The following CMIP variants were observed in gnomAD, a reference collection of about 807,000 sequenced individuals.
The protein encoded by CMIP is c-Maf inducing protein, also known as C-Maf-inducing protein.
In CMIP, 13 loss-of-function variants were observed where a neutral mutation model predicts 97.3. The ratio of observed to expected loss-of-function variants is 0.13; its 90% CI spans 0.09 to 0.21. The LOEUF (loss-of-function observed/expected upper bound fraction) is 0.21, where lower values mean the gene tolerates loss of function less well. Among genes scored for constraint, CMIP ranks in the 10% least tolerant of loss-of-function variants. The probability of loss-of-function intolerance (pLI) is 1.00; values close to 1 mark genes in which losing one functional copy is unlikely to be tolerated. For missense variants in CMIP, 847 were observed against 1,024.9 expected, an observed-to-expected ratio of 0.83 and a Z score of 2.37; for synonymous variants, 538 against 436.3, an observed-to-expected ratio of 1.23 and a Z score of -2.91.
At chr16:81,631,149 G>A (rs2092152860) in intron 3 of CMIP, 2 of 152,288 alleles carry the variant, frequency 1.3e-5, no homozygotes, top group Admixed American at 1.3e-4. Context: ...GCAGGCTTTC[G>A]TTACAGTAGA....
chr16:81,555,457 C>T (rs1342547714), intron 1 of CMIP, among the ~76,000 whole-genome samples: 1 of 152,190 alleles, frequency 6.6e-6, no homozygotes, highest in East Asian at 1.9e-4. Flanking sequence ...TGAAAGCACA[C>T]CTGCCCAGGT....
intron 2 of CMIP, chr16:81,620,058 A>T (rs1409679434): frequency 6.6e-6 from 1 of 152,188 alleles, no homozygotes; most frequent in African/African-American, 2.4e-5. Context: ...ATTTCTGACC[A>T]CCTGCCATGT....
chr16:81,537,680 A>G (rs1254174709), intron 1 of CMIP, among the ~76,000 whole-genome samples: 1 of 151,968 alleles, frequency 6.6e-6, no homozygotes, highest in African/African-American at 2.4e-5. Flanking sequence ...AGCCTGGTCC[A>G]TATAGTGAGA....
intron 1 of CMIP, among the ~76,000 whole-genome samples, chr16:81,498,561 G>A (rs781712926): frequency 6.6e-6 from 1 of 152,212 alleles, no homozygotes; most frequent in Non-Finnish European, 1.5e-5. Context: ...CCTTCCACCT[G>A]ACTCATGGCT....
chr16:81,564,418 A>C lies in CMIP; in HGVS notation c.301-43149A>C, dbSNP rs184954876. On this transcript the variant is annotated intron_variant, in intron 1 of 20. Transcript: ENST00000537098. ...GTTATACATGTAATGGTCTCAGAGC[A>C]GAAATAAAACCACAAAGCTATTACA... Among the ~76,000 whole-genome samples, 457 of 152,372 alleles carry C rather than the reference A, an allele frequency of 3.0e-3. 2 individuals are homozygous for C. Among genetic ancestry groups the C allele is most frequent in the African/African-American group, 0.011 (446 of 41,588 alleles).
intron 3 of CMIP, among the ~76,000 whole-genome samples, chr16:81,638,381 C>G (rs1046663966): frequency 9.9e-5 from 15 of 152,172 alleles, no homozygotes; most frequent in African/African-American, 2.9e-4. Flanking sequence ...AGCCCTCCCC[C>G]CAGAGCATCT....
chr16:81,479,461 A>G (rs1341614702), intron 1 of CMIP, among the ~76,000 whole-genome samples: 2 of 152,064 alleles, frequency 1.3e-5, no homozygotes, highest in Non-Finnish European at 2.9e-5. Flanking sequence ...GAACTTTCTC[A>G]TCTTCTCAAA....
At chr16:81,551,006 ACACG>A (rs1015230247) in intron 1 of CMIP, among the ~76,000 whole-genome samples, 3 of 131,976 alleles carry the variant, frequency 2.3e-5, no homozygotes, top group African/African-American at 9.1e-5. Context: ...CAGTCCCGTC[ACACG>A]CACCCCAGTT....
Position 81,549,946 on chromosome 16 carries a change from A to G in CMIP, c.301-57621A>G, listed in dbSNP as rs2090621031. Reference sequence around the variant, plus strand: ...TGCTTGTGCATTTGTGTGTGTGTGTATGTGCACACAAGCCTGTGCCGTCCA... The same window carrying G: ...TGCTTGTGCATTTGTGTGTGTGTGTGTGTGCACACAAGCCTGTGCCGTCCA... On this transcript the variant is annotated intron_variant, in intron 1 of 20. Coordinates refer to ENST00000537098, the MANE Select transcript of CMIP (RefSeq NM_198390.3). 3.3e-5 allele frequency among the ~76,000 whole-genome samples: 5 copies of G among 152,270 alleles called. No homozygotes were observed. In the South Asian group the frequency reaches 1.0e-3, roughly 32 times the overall value.
At chr16:81,473,794 AC>A (rs1907708804) in intron 1 of CMIP, among the ~76,000 whole-genome samples, 1 of 141,718 alleles carries the variant, frequency 7.1e-6, no homozygotes, top group South Asian at 2.2e-4. Context: ...GACGTGTTTT[AC>A]TTGGCCCACA....
chr16:81,501,424 G>A (rs1567546869), intron 1 of CMIP, among the ~76,000 whole-genome samples: 1 of 152,058 alleles, frequency 6.6e-6, no homozygotes, highest in East Asian at 1.9e-4. Context: ...GCATTGTATC[G>A]GGCTCCTTGC....
rs958735989 is a variant in CMIP at position 81,453,550 on chromosome 16, G to A, written c.300+8009G>A. ...CAGGCCTGGCTCTCCTCCCTCGCAT[G>A]TTGGCTCCCTGTGTGGACTAGGTGA... On this transcript the variant is annotated intron_variant, in intron 1 of 20. Coordinates refer to ENST00000537098, the MANE Select transcript of CMIP (RefSeq NM_198390.3). This position sits in a 1 kb window ranked among gnomAD's most constrained non-coding sequence, Gnocchi z 4.0. Among the ~76,000 whole-genome samples the A allele has an allele frequency of 9.2e-5, 14 of 152,222 alleles. No individual in the cohort carries two copies. The highest frequency in any genetic ancestry group is 5.9e-5 in the Non-Finnish European group (4 of 68,036).
At chr16:81,524,693 C>T (rs1457172335) in intron 1 of CMIP, among the ~76,000 whole-genome samples, 1 of 152,242 alleles carries the variant, frequency 6.6e-6, no homozygotes, top group Admixed American at 6.5e-5. Context: ...CTGCTCAGAG[C>T]CACCCAGCGA....
rs368506286 is a variant in CMIP at position 81,644,673 on chromosome 16, C to T, written c.478-7530C>T. 6.6e-5 allele frequency among the ~76,000 whole-genome samples: 10 copies of T among 152,386 alleles called. No homozygotes were observed. In the East Asian group the frequency reaches 1.9e-3, roughly 29 times the overall value. On this transcript the variant is annotated intron_variant, in intron 3 of 20. Transcript: ENST00000537098. ...GCTGGAGATAGCAAATTATTTCCTACACACTTAGCATCTGCAGCCATAGTG... is the reference window on the plus strand; with the variant it reads ...GCTGGAGATAGCAAATTATTTCCTATACACTTAGCATCTGCAGCCATAGTG...
In CMIP at chr16:81,589,430, C is replaced by T. The variant is rs146984457; in HGVS notation, c.301-18137C>T. On this transcript the variant is annotated intron_variant, in intron 1 of 20. Coordinates refer to ENST00000537098, the MANE Select transcript of CMIP (RefSeq NM_198390.3). ...CTTTTCAACAAATTTATATTCATGA[C>T]AATAGTAACTACCTATATTAGAAGC... Among the ~76,000 whole-genome samples the T allele has an allele frequency of 3.3e-5, 5 of 151,988 alleles. No individual in the cohort carries two copies. The South Asian group carries it at 1.0e-3, about 32-fold the overall frequency.
chr16:81,709,527 A>G (rs1467126444), intron 20 of CMIP, among the ~76,000 whole-genome samples: 2 of 152,306 alleles, frequency 1.3e-5, no homozygotes, highest in Non-Finnish European at 2.9e-5. Flanking sequence ...GGGGCATGGG[A>G]ACCCCGCTGC....
At chr16:81,670,488 C>G (rs1476301486) in intron 8 of CMIP, among the ~76,000 whole-genome samples, 2 of 152,064 alleles carry the variant, frequency 1.3e-5, no homozygotes, top group African/African-American at 4.8e-5. Flanking sequence ...GGACTCTGTC[C>G]CACCCCTGGT....
chr16:81,532,511 AG>A (rs1267488906), intron 1 of CMIP, among the ~76,000 whole-genome samples: 1 of 151,424 alleles, frequency 6.6e-6, no homozygotes, highest in Non-Finnish European at 1.5e-5. Flanking sequence ...GGTCGCCCTG[AG>A]CCTCCCCAGG....
intron 1 of CMIP, among the ~76,000 whole-genome samples, chr16:81,467,969 C>G (rs1439167322): frequency 6.8e-6 from 1 of 146,240 alleles, no homozygotes; most frequent in Non-Finnish European, 1.5e-5. Context: ...TTACTGCATT[C>G]TCAACCTCCC....
Sources: allele counts gnomAD v4.1 joint callset (sites outside exome capture counted in the v4.1 genomes callset), GRCh38; gene constraint gnomAD v4.1.1; non-coding constraint Gnocchi (gnomAD v3.1); transcripts MANE v1.5; gene names NCBI Gene and HGNC (gene_info 2026-07-23, HGNC 2026-07-21).